The following PIR variants were observed in gnomAD, a reference collection of about 807,000 sequenced individuals.
The protein encoded by PIR is pirin (iron-binding nuclear protein).
A neutral mutation model predicts 24.2 loss-of-function variants in PIR; 22 were observed. The ratio of observed to expected loss-of-function variants is 0.91; its 90% CI spans 0.65 to 1.30. The LOEUF (loss-of-function observed/expected upper bound fraction) is 1.30, where lower values mean the gene tolerates loss of function less well. Among genes scored for constraint, PIR ranks in the 50% most tolerant of loss-of-function variants. The pLI is 0.00. For missense variants in PIR, 220 were observed against 220.3 expected, an observed-to-expected ratio of 1.00 and a Z score of 0.01; for synonymous variants, 80 against 79.6, an observed-to-expected ratio of 1.00 and a Z score of -0.03.
intron 1 of PIR, among the ~76,000 whole-genome samples, chrX:15,492,852 G>A (rs1185941516): frequency 9.0e-6 from 1 of 111,727 alleles, no homozygotes; most frequent in Admixed American, 9.4e-5. Context: ...GTTGCAAGGC[G>A]CAGAAACGAG....
chrX:15,414,906 T>A (rs1472679996), intron 6 of PIR, among the ~76,000 whole-genome samples: 1 of 112,112 alleles, frequency 8.9e-6, no homozygotes, highest in Non-Finnish European at 1.9e-5. Flanking sequence ...GGTTTTTAGT[T>A]TACATTGATC....
intron 6 of PIR, among the ~76,000 whole-genome samples, chrX:15,417,257 C>G (rs1364262838): frequency 8.9e-6 from 1 of 111,875 alleles, no homozygotes; most frequent in Non-Finnish European, 1.9e-5. Flanking sequence ...CTCCGGCTGA[C>G]ACTTTGATCG....
At chrX:15,446,862 C>A (rs1457473814) in intron 5 of PIR, among the ~76,000 whole-genome samples, 1 of 111,872 alleles carries the variant, frequency 8.9e-6, no homozygotes, top group Non-Finnish European at 1.9e-5. Context: ...GAACTCATCT[C>A]ATTTTACTAA....
chrX:15,452,793 G>A (rs1302150287), intron 5 of PIR, among the ~76,000 whole-genome samples: 1 of 112,112 alleles, frequency 8.9e-6, no homozygotes, highest in African/African-American at 3.2e-5. Flanking sequence ...CAGATGTGCT[G>A]AATCAGAGTC....
intron 5 of PIR, among the ~76,000 whole-genome samples, chrX:15,446,112 A>G (rs893157154): frequency 9.0e-6 from 1 of 111,467 alleles, no homozygotes; most frequent in South Asian, 3.8e-4. Context: ...TACAGGCGTG[A>G]GCCACCACAC....
intron 6 of PIR, among the ~76,000 whole-genome samples, chrX:15,416,274 T>C (rs1475138665): frequency 2.7e-5 from 3 of 111,686 alleles, no homozygotes; most frequent in African/African-American, 9.8e-5. Context: ...TGCAAAAAAA[T>C]TACTCATGAA....
At position 15,450,345 on chromosome X, in the gene PIR, C is replaced by G. The variant is rs769142781; in HGVS notation, c.480+5503G>C. Among the ~76,000 whole-genome samples, 7 of 110,344 alleles carry G rather than the reference C, an allele frequency of 6.3e-5. No homozygotes were observed. In the East Asian group the frequency reaches 2.0e-3, roughly 32 times the overall value. On this transcript the variant is annotated intron_variant, in intron 5 of 9. Transcript: ENST00000380420. ...CCTATGTCAGAAACCCAGTGCCCCT[C>G]TCACACTCTCTGCCATTAGGAGAGT...
At chrX:15,453,355 T>C (rs1920987378) in intron 5 of PIR, among the ~76,000 whole-genome samples, 1 of 112,418 alleles carries the variant, frequency 8.9e-6, no homozygotes, top group Admixed American at 9.4e-5. Flanking sequence ...GTTTAATGTA[T>C]AAAAAGTCAC....
chrX:15,473,546 T>A (rs1419681754), intron 3 of PIR, among the ~76,000 whole-genome samples: 1 of 111,705 alleles, frequency 9.0e-6, no homozygotes, highest in Non-Finnish European at 1.9e-5. Flanking sequence ...ACTTTTTTAT[T>A]TTTATTTATT....
At chrX:15,424,127 T>C (rs1232764067) in intron 6 of PIR, among the ~76,000 whole-genome samples, 1 of 112,589 alleles carries the variant, frequency 8.9e-6, no homozygotes, top group Non-Finnish European at 1.9e-5. Context: ...CCCATGTTTA[T>C]TGCAGCATTA....
intron 5 of PIR, among the ~76,000 whole-genome samples, chrX:15,428,042 A>G (rs1295928003): frequency 2.7e-5 from 3 of 111,738 alleles, no homozygotes; most frequent in African/African-American, 3.3e-5. Flanking sequence ...AATGTCTCCA[A>G]TTGAAGCTTT....
At chrX:15,481,349 T>C (rs1437271161) in intron 2 of PIR, among the ~76,000 whole-genome samples, 4 of 112,224 alleles carry the variant, frequency 3.6e-5, no homozygotes, top group Non-Finnish European at 7.5e-5. Flanking sequence ...TTCTTGACCA[T>C]GTTATTTTAT....
chrX:15,398,196 T>C (rs1379629494), intron 7 of PIR, among the ~76,000 whole-genome samples: 1 of 111,197 alleles, frequency 9.0e-6, no homozygotes, highest in Non-Finnish European at 1.9e-5. Context: ...TGTATACCTA[T>C]GTAACAAACC....
intron 9 of PIR, among the ~76,000 whole-genome samples, chrX:15,386,168 G>C (rs1923743230): frequency 1.8e-5 from 2 of 112,090 alleles, no homozygotes; most frequent in African/African-American, 6.5e-5. Flanking sequence ...TGCTCTAAGG[G>C]GCTTTCTCTG....
intron 7 of PIR, among the ~76,000 whole-genome samples, chrX:15,400,747 A>ATG (rs774832770): frequency 9.5e-6 from 1 of 105,625 alleles, no homozygotes; most frequent in Admixed American, 1.0e-4. Flanking sequence ...TTATTTATTT[A>ATG]TATATTTATT....
chrX:15,440,624 A>G lies in PIR; in HGVS notation c.481-14634T>C, dbSNP rs760027723. On this transcript the variant is annotated intron_variant, in intron 5 of 9. Transcript: ENST00000380420. ...TCCATTTCTTCCCATCCTTGCCAGC[A>G]CTTCACAGTACCCAACTTTGTATTT... is the stretch of plus-strand genomic sequence containing the variant. Among the ~76,000 whole-genome samples the G allele has an allele frequency of 2.7e-5, 3 of 111,625 alleles. No individual in the cohort carries two copies. In the East Asian group the frequency reaches 8.5e-4, roughly 31 times the overall value.
At chrX:15,491,886 A>C (rs950548987) in intron 1 of PIR, among the ~76,000 whole-genome samples, 4 of 111,035 alleles carry the variant, frequency 3.6e-5, no homozygotes, top group African/African-American at 1.3e-4. Flanking sequence ...TTGCACAACG[A>C]CAAAATCACC....
intron 9 of PIR, among the ~76,000 whole-genome samples, chrX:15,388,607 A>T (rs899130776): frequency 2.7e-5 from 3 of 112,030 alleles, no homozygotes; most frequent in African/African-American, 9.7e-5. Context: ...AAATAAATAA[A>T]ATATCTGGAT....
At chrX:15,444,745 A>G (rs1926031970) in intron 5 of PIR, among the ~76,000 whole-genome samples, 1 of 111,484 alleles carries the variant, frequency 9.0e-6, no homozygotes, top group Admixed American at 9.6e-5. Context: ...AAAATCCACC[A>G]GCCAAGTCTT....
Sources: allele counts gnomAD v4.1 joint callset (sites outside exome capture counted in the v4.1 genomes callset), GRCh38; gene constraint gnomAD v4.1.1; transcripts MANE v1.5; gene names NCBI Gene and HGNC (gene_info 2026-07-23, HGNC 2026-07-21).